The following ZBTB25 variants were observed in gnomAD, a reference collection of about 807,000 sequenced individuals.
ZBTB25 encodes zinc finger and BTB domain containing 25.
A neutral mutation model predicts 34.2 loss-of-function variants in ZBTB25; 20 were observed. The observed-to-expected ratio is 0.58, with a 90% CI of 0.41 to 0.85. The LOEUF (loss-of-function observed/expected upper bound fraction) is 0.85. Ranked by LOEUF, ZBTB25 falls within the 40% of genes least tolerant of loss-of-function variation. The pLI, the probability that ZBTB25 is intolerant of heterozygous loss-of-function variation, is 0.00. For missense variants in ZBTB25, 437 were observed against 521.8 expected (o/e 0.84, Z 1.58); for synonymous variants, 175 against 186.4 (o/e 0.94, Z 0.50).
At chr14:64,501,683 A>G (rs904005181) in intron 1 of ZBTB25, among the ~76,000 whole-genome samples, 1 of 152,242 alleles carries the variant, frequency 6.6e-6, no homozygotes, top group Admixed American at 6.5e-5. Context: ...GGACCATAGC[A>G]AATAAATCAC....
At chr14:64,466,666 T>A (rs1208143614) in intron 2 of ZBTB25, among the ~76,000 whole-genome samples, 3 of 152,224 alleles carry the variant, frequency 2.0e-5, no homozygotes, top group African/African-American at 7.2e-5. Context: ...CCTAAGATAA[T>A]ATTTACTTAG....
intron 1 of ZBTB25, among the ~76,000 whole-genome samples, chr14:64,491,920 A>G (rs35062852): frequency 0.025 from 3,761 of 152,216 alleles, 53 homozygotes; most frequent in Middle Eastern, 0.054. Context: ...AGTGATCAGT[A>G]ATATAATAAA....
intron 2 of ZBTB25, among the ~76,000 whole-genome samples, chr14:64,451,161 T>G (rs1268754863): frequency 6.6e-6 from 1 of 151,788 alleles, no homozygotes; most frequent in Non-Finnish European, 1.5e-5. Context: ...CGAAACTTCG[T>G]CTCAAAAAAA....
intron 2 of ZBTB25, among the ~76,000 whole-genome samples, chr14:64,466,436 A>G (rs1470680398): frequency 1.3e-5 from 2 of 152,212 alleles, no homozygotes; most frequent in Non-Finnish European, 2.9e-5. Flanking sequence ...TCTCATTTCA[A>G]TATTTCTATT....
intron 1 of ZBTB25, among the ~76,000 whole-genome samples, chr14:64,493,137 C>G (rs1980519): frequency 0.23 from 34,872 of 151,938 alleles, 4,609 homozygotes; most frequent in Non-Finnish European, 0.31. Context: ...GTTCAAAAAG[C>G]ATACAGAATA....
downstream of ZBTB25, among the ~76,000 whole-genome samples, chr14:64,475,651 C>T (rs2078713050): frequency 6.6e-6 from 1 of 151,978 alleles, no homozygotes; most frequent in African/African-American, 2.4e-5. Context: ...GTTAAGTTCC[C>T]GAGCTTAGGA....
intron 2 of ZBTB25, chr14:64,467,762 A>G (rs1011878337): frequency 1.3e-5 from 2 of 152,004 alleles, no homozygotes; most frequent in Non-Finnish European, 2.9e-5. Context: ...AAAATTATCT[A>G]TTGAGTGTGA....
At chr14:64,459,566 A>T (rs2078529107) in intron 2 of ZBTB25, among the ~76,000 whole-genome samples, 1 of 152,218 alleles carries the variant, frequency 6.6e-6, no homozygotes. Flanking sequence ...CAGTATTCAC[A>T]CAGTACTATG....
intron 1 of ZBTB25, chr14:64,503,286 C>G (rs2079558641): frequency 6.1e-6 from 6 of 985,312 alleles, no homozygotes; most frequent in Non-Finnish European, 7.2e-6. Flanking sequence ...GTCGCCCGCT[C>G]GTAAGAGGGG....
At chr14:64,497,766 G>C (rs1694717336) in intron 1 of ZBTB25, among the ~76,000 whole-genome samples, 1 of 152,116 alleles carries the variant, frequency 6.6e-6, no homozygotes, top group South Asian at 2.1e-4. Flanking sequence ...AAAATCTACT[G>C]TACTAGACTG....
chr14:64,474,947 C>T (rs2078705920), downstream of ZBTB25, among the ~76,000 whole-genome samples: 1 of 152,138 alleles, frequency 6.6e-6, no homozygotes, highest in African/African-American at 2.4e-5. Flanking sequence ...GTAATGTTAA[C>T]ACTCTATCTT....
rs1182155432 is a variant in ZBTB25, at chr14:64,482,965, T to C, written c.*3958A>G. The stretch of plus-strand genomic sequence containing the variant: ...AAGTAACAATCTCAAGAGTTATAAA[T>C]AAAAAAATTTTTTGTTTTCTTATAA... On this transcript the variant is annotated 3_prime_UTR_variant, in exon 3 of 3. Coordinates refer to ENST00000608382, the MANE Select transcript of ZBTB25 (RefSeq NM_006977.5). 6.6e-6 allele frequency: 1 copy of C among 152,192 alleles called. No homozygotes were observed. Among genetic ancestry groups the C allele is most frequent in the South Asian group, 2.1e-4 (1 of 4,832 alleles). 9.4% of individuals were successfully genotyped at this position (152,192 alleles called of 1,614,324 possible).
Position 64,487,180 on chromosome 14 carries a change from A to G in ZBTB25, c.1051T>C (p.Cys351Arg). ...FSFSRKRKMS[C>R]TICGHKFPRK... ...GGGAATTTATGACCACAGATGGTAC[A>G]GCTCATTTTTCTTTTCCTTGAAAAA... The change falls in exon 3 of 3, where the codon TGT becomes CGT. Residue 351 changes from cysteine (C) to arginine (R), a missense_variant. Coordinates refer to ENST00000608382, the MANE Select transcript of ZBTB25 (RefSeq NM_006977.5). 2 of 1,614,158 alleles carry G rather than the reference A, an allele frequency of 1.2e-6. No homozygotes were observed. Among genetic ancestry groups the G allele is most frequent in the Non-Finnish European group, 1.7e-6 (2 of 1,180,026 alleles).
chr14:64,469,068 C>T (rs762808533), intron 2 of ZBTB25: 12 of 1,614,034 alleles, frequency 7.4e-6, no homozygotes, highest in South Asian at 1.1e-5. Flanking sequence ...GCTATTCAAA[C>T]GGGAACTCTA....
chr14:64,484,875 G>T lies in ZBTB25; in HGVS notation c.*2048C>A, dbSNP rs185749571. 2.6e-4 allele frequency: 82 copies of T among 321,046 alleles called. No homozygotes were observed. The highest frequency in any genetic ancestry group is 1.7e-3 in the African/African-American group (78 of 44,604). The allele number at this position is 321,046 out of a possible 1,614,324, so 19.9% of individuals were successfully genotyped here. On this transcript the variant is annotated 3_prime_UTR_variant, in exon 3 of 3. Transcript: ENST00000608382. ...TTCCAATGAGATGATATTTTTGAGG[G>T]CAGTACAAATTTCAATAGTTGCTTA... is the stretch of plus-strand genomic sequence containing the variant.
chr14:64,497,017 T>C, intron 1 of ZBTB25, among the ~76,000 whole-genome samples: 1 of 152,182 alleles, frequency 6.6e-6, no homozygotes, highest in East Asian at 1.9e-4. Context: ...TGATAATACA[T>C]CAAGACTGAG....
intron 1 of ZBTB25, among the ~76,000 whole-genome samples, chr14:64,491,843 G>A (rs1777439091): frequency 6.6e-6 from 1 of 152,224 alleles, no homozygotes; most frequent in Admixed American, 6.5e-5. Flanking sequence ...AAGGTCTAAG[G>A]AGGTCAGTGA....
rs2078796268 is a variant in ZBTB25, at chr14:64,481,730, T to G, written c.*5193A>C. 6.6e-6 allele frequency: 1 copy of G among 152,220 alleles called. No homozygotes were observed. The highest frequency in any genetic ancestry group is 1.5e-5 in the Non-Finnish European group (1 of 68,056). 9.4% of individuals were successfully genotyped at this position (152,220 alleles called of 1,614,324 possible). ...TTTGTAATTCCTTGTATTTAAGACA[T>G]CCAGGTTTGGGACTGTGCAATCTCA... On this transcript the variant is annotated 3_prime_UTR_variant, in exon 3 of 3. Coordinates refer to ENST00000608382, the MANE Select transcript of ZBTB25 (RefSeq NM_006977.5).
chr14:64,504,356 G>C (rs1471275156), upstream of ZBTB25: 1 of 142,154 alleles, frequency 7.0e-6, no homozygotes, highest in Non-Finnish European at 1.6e-5. Context: ...CCCAGCTGCT[G>C]GGCCCAACGG....
Sources: allele counts gnomAD v4.1 joint callset (sites outside exome capture counted in the v4.1 genomes callset), GRCh38; gene constraint gnomAD v4.1.1; transcripts MANE v1.5; gene names NCBI Gene and HGNC (gene_info 2026-07-23, HGNC 2026-07-21).